The following CORO7 variants were observed in gnomAD, a reference collection of about 807,000 sequenced individuals.
CORO7 encodes the protein coronin 7.
A neutral mutation model predicts 126.6 loss-of-function variants in CORO7; 107 were observed. The observed-to-expected ratio is 0.85, with a 90% CI of 0.72 to 0.99. The LOEUF is 0.99. Among genes scored for constraint, CORO7 ranks in the 50% least tolerant of loss-of-function variants. The pLI is 0.00. For missense variants in CORO7, 1,314 were observed against 1,255.8 expected (o/e 1.05, Z -0.70); for synonymous variants, 603 against 536.8 (o/e 1.12, Z -1.70).
chr16:4,411,416 C>T (rs894344612), intron 3 of CORO7, among the ~76,000 whole-genome samples: 1 of 151,884 alleles, frequency 6.6e-6, no homozygotes, highest in Admixed American at 6.6e-5. Context: ...AAACAGGTAA[C>T]GTTGGCTGGG....
At chr16:4,380,916 G>C (rs778695141) in intron 9 of CORO7, 1 of 1,568,318 alleles carries the variant, frequency 6.4e-7, no homozygotes, top group Non-Finnish European at 8.6e-7. Flanking sequence ...CGCTGCTCCT[G>C]CTACTGGCCC....
At chr16:4,381,096 CG>C in intron 9 of CORO7, 1 of 1,608,060 alleles carries the variant, frequency 6.2e-7, no homozygotes, top group Non-Finnish European at 8.5e-7. Flanking sequence ...GCAGCTTTGC[CG>C]GCCTGCCGGG....
intron 9 of CORO7, among the ~76,000 whole-genome samples, chr16:4,373,672 C>G (rs535527875): frequency 6.6e-6 from 1 of 152,252 alleles, no homozygotes; most frequent in Middle Eastern, 3.4e-3. Context: ...CTGACAGCCC[C>G]GGGGGAGCTG....
chr16:4,377,482 C>T (rs1203902590), intron 9 of CORO7, among the ~76,000 whole-genome samples: 1 of 152,172 alleles, frequency 6.6e-6, no homozygotes, highest in East Asian at 1.9e-4. Flanking sequence ...AGAACTTCCC[C>T]ATTTGAAAAC....
intron 9 of CORO7, chr16:4,387,772 G>T (rs2055243996): frequency 3.3e-6 from 2 of 607,470 alleles, no homozygotes; most frequent in Non-Finnish European, 5.8e-6. Context: ...GCTACCAGGG[G>T]CCAGAGGGGC....
In CORO7 at chr16:4,364,349, G is replaced by T. The variant is rs761676191; in HGVS notation, c.1202C>A (p.Pro401His). ...PHPSFTSCLVPPAEPLPDTAQ... is the reference protein window; with the variant it reads ...PHPSFTSCLVHPAEPLPDTAQ... ...TGTGTCAGGGAGGGGCTCCGCAGGGGGCACCAGACAGGAAGTGAAGCTCGG... is the reference window on the plus strand; with the variant it reads ...TGTGTCAGGGAGGGGCTCCGCAGGGTGCACCAGACAGGAAGTGAAGCTCGG... Residue 401 changes from proline to histidine, a missense_variant, in exon 14 of 28, where the codon CCC (proline) becomes CAC (histidine). Transcript: ENST00000251166. 2 of 1,527,938 alleles carry T rather than the reference G, an allele frequency of 1.3e-6. No homozygotes were observed. The highest frequency in any genetic ancestry group is 1.8e-6 in the Non-Finnish European group (2 of 1,141,012). The allele number at this position is 1,527,938 out of a possible 1,614,324, so 94.6% of individuals were successfully genotyped here. A position where few individuals can be genotyped will look rare whatever the true frequency, so the allele number is the denominator to read the frequency against.
At chr16:4,361,558 G>T in intron 16 of CORO7, 89 bp from the exon 17 acceptor site, 1 of 1,449,348 alleles carries the variant, frequency 6.9e-7, no homozygotes. Flanking sequence ...ATGTCTGGGA[G>T]CCCACCCTCT....
At chr16:4,404,328 C>A (rs544219546) in intron 6 of CORO7, among the ~76,000 whole-genome samples, 1 of 152,278 alleles carries the variant, frequency 6.6e-6, no homozygotes, top group African/African-American at 2.4e-5. Flanking sequence ...TCTTCAGAGA[C>A]CCTTGGTGGT....
intron 9 of CORO7, among the ~76,000 whole-genome samples, chr16:4,387,179 C>A (rs1037658711): frequency 6.6e-6 from 1 of 152,024 alleles, no homozygotes; most frequent in South Asian, 2.1e-4. Flanking sequence ...CTCTGAACAC[C>A]CCCCCCAGCC....
Position 4,357,952 on chromosome 16 carries a change from C to A in CORO7, c.2593+16G>T. ...CCCCATCCCGCTTCCTCCCCACACC[C>A]AGTCCCTCGGTGCACCTGGGCTCAT... On this transcript the variant is annotated intron_variant, in intron 25 of 27. Transcript: ENST00000251166. 3.1e-6 allele frequency: 5 copies of A among 1,589,988 alleles called. No homozygotes were observed. Among genetic ancestry groups the A allele is most frequent in the Non-Finnish European group, 4.3e-6 (5 of 1,161,308 alleles).
intron 7 of CORO7, among the ~76,000 whole-genome samples, chr16:4,389,922 G>A (rs1444895139): frequency 6.6e-6 from 1 of 152,226 alleles, no homozygotes; most frequent in Non-Finnish European, 1.5e-5. Flanking sequence ...ACTGTGCTAG[G>A]AGCTGGCAGT....
intron 9 of CORO7, chr16:4,381,078 C>A: frequency 6.2e-7 from 1 of 1,609,418 alleles, no homozygotes; most frequent in Non-Finnish European, 8.5e-7. Context: ...TCACCATGCT[C>A]GACGCAGGCA....
rs557988677 is a variant in CORO7 at position 4,374,850 on chromosome 16, G to A, written c.786-9305C>T. Among the ~76,000 whole-genome samples, 15 of 152,276 alleles carry A rather than the reference G, an allele frequency of 9.9e-5. No individual in the cohort carries two copies. The South Asian group carries it at 1.7e-3, about 17-fold the overall frequency. ...CCCCAGGCCCAGGAAGCTTAGGGCTGGCGGCCTTCCTTGGTGACTAAGGTG... is the reference window on the plus strand; with the variant it reads ...CCCCAGGCCCAGGAAGCTTAGGGCTAGCGGCCTTCCTTGGTGACTAAGGTG... On this transcript the variant is annotated intron_variant, in intron 9 of 27. Coordinates refer to ENST00000251166, the MANE Select transcript of CORO7 (RefSeq NM_024535.5).
At chr16:4,386,248 T>C (rs1272052689) in intron 9 of CORO7, among the ~76,000 whole-genome samples, 2 of 152,194 alleles carry the variant, frequency 1.3e-5, no homozygotes, top group Non-Finnish European at 2.9e-5. Flanking sequence ...TATTCTTAAC[T>C]GTGGTAATTA....
intron 3 of CORO7, among the ~76,000 whole-genome samples, chr16:4,411,903 C>T (rs974593276): frequency 2.6e-5 from 4 of 151,842 alleles, no homozygotes; most frequent in East Asian, 1.9e-4. Flanking sequence ...GAAGCAGCTG[C>T]GGCACACAAA....
At chr16:4,368,153 C>T (rs2054405875) in intron 9 of CORO7, among the ~76,000 whole-genome samples, 1 of 151,810 alleles carries the variant, frequency 6.6e-6, no homozygotes, top group African/African-American at 2.4e-5. Flanking sequence ...TTGAGACCAG[C>T]CAGGCCAACA....
intron 9 of CORO7, among the ~76,000 whole-genome samples, chr16:4,379,562 A>C (rs2141239627): frequency 6.6e-6 from 1 of 152,252 alleles, no homozygotes; most frequent in East Asian, 1.9e-4. Flanking sequence ...CTGCACCTCC[A>C]TGAGCCCTGC....
chr16:4,360,817 CCTCCTCGCTGCTGGTCCTGCCT>C, intron 19 of CORO7, 104 bp downstream of exon 19: 2 of 1,494,204 alleles, frequency 1.3e-6, no homozygotes, highest in Non-Finnish European at 8.9e-7. Context: ...TGGCCCCACC[CCTCCTCGCTGCTGGTCCTGCCT>C]CTCCTCACTG....
rs374477682 is a variant in CORO7, at chr16:4,395,045, G to A, written c.615+244C>T. ...TGCCTGAAGCCACACGATGGCCTCC[G>A]TGGAGAGCCTGGGGGAAGCTTAGCT... is the stretch of plus-strand genomic sequence containing the variant. On this transcript the variant is annotated intron_variant, in intron 7 of 27. Transcript: ENST00000251166. Among the ~76,000 whole-genome samples the A allele has an allele frequency of 9.2e-5, 14 of 152,320 alleles. No homozygotes were observed. In the South Asian group the frequency reaches 2.7e-3, roughly 29 times the overall value.
Sources: allele counts gnomAD v4.1 joint callset (sites outside exome capture counted in the v4.1 genomes callset), GRCh38; gene constraint gnomAD v4.1.1; transcripts MANE v1.5; gene names NCBI Gene and HGNC (gene_info 2026-07-23, HGNC 2026-07-21).